NMNAT1: variants seen among roughly 807,000 people sequenced by gnomAD.
The protein encoded by NMNAT1 is nicotinamide nucleotide adenylyltransferase 1.
Under a neutral mutation model 16.7 loss-of-function variants are expected in NMNAT1, and 11 were observed. That is an observed-to-expected ratio of 0.66 (90% confidence interval 0.41 to 1.09). The LOEUF (loss-of-function observed/expected upper bound fraction) is 1.09, where lower values mean the gene tolerates loss of function less well. NMNAT1 is among the 50% of genes least tolerant of loss of function. The pLI, the probability that NMNAT1 is intolerant of heterozygous loss-of-function variation, is 0.00. For missense variants in NMNAT1, 280 were observed against 332.3 expected (o/e 0.84, Z 1.22); for synonymous variants, 110 against 119.8 (o/e 0.92, Z 0.53).
downstream of NMNAT1, among the ~76,000 whole-genome samples, chr1:9,989,581 A>T (rs886889819): frequency 8.5e-5 from 13 of 152,128 alleles, no homozygotes; most frequent in Non-Finnish European, 8.8e-5. Flanking sequence ...AGCTTTGAAG[A>T]GGAGTCCAGC....
intron 1 of NMNAT1, among the ~76,000 whole-genome samples, chr1:9,963,624 G>A (rs1641475914): frequency 6.6e-6 from 1 of 151,914 alleles, no homozygotes; most frequent in African/African-American, 2.4e-5. Context: ...GGCCAGGCTG[G>A]TCTCGAACTT....
At chr1:9,954,985 T>C (rs1437994625) in intron 1 of NMNAT1, among the ~76,000 whole-genome samples, 4 of 151,498 alleles carry the variant, frequency 2.6e-5, no homozygotes, top group Non-Finnish European at 5.9e-5. Flanking sequence ...ACTCAAATTA[T>C]AGAACAACTA....
At chr1:9,987,508 C>T (rs779658271), downstream of NMNAT1, among the ~76,000 whole-genome samples, 2 of 151,722 alleles carry the variant, frequency 1.3e-5, no homozygotes, top group East Asian at 1.9e-4. Context: ...GCGTAGGTGG[C>T]GGGTGCCTAT....
intron 1 of NMNAT1, chr1:9,951,377 G>C (rs1380199940): frequency 6.6e-6 from 1 of 152,170 alleles, no homozygotes; most frequent in Non-Finnish European, 1.5e-5. Flanking sequence ...TTGCCACAAG[G>C]ATTTAAATGA....
intron 1 of NMNAT1, among the ~76,000 whole-genome samples, chr1:9,961,301 G>A (rs1490423575): frequency 2.0e-5 from 3 of 152,050 alleles, no homozygotes; most frequent in South Asian, 2.1e-4. Flanking sequence ...CACACCTCTC[G>A]AACTCAGCCT....
intron 1 of NMNAT1, 115 bp from the exon 2 acceptor site, chr1:9,971,903 G>C (rs1275498839): frequency 3.6e-6 from 2 of 558,708 alleles, no homozygotes; most frequent in African/African-American, 1.9e-5. Context: ...CCAGAAGTTT[G>C]AGGGTGCAGT....
downstream of NMNAT1, chr1:9,985,515 T>C (rs1642033994): frequency 6.6e-6 from 1 of 152,220 alleles, no homozygotes; most frequent in South Asian, 2.1e-4. Flanking sequence ...GGTAGTCTGA[T>C]GGAGATGAGT....
intron 4 of NMNAT1, among the ~76,000 whole-genome samples, chr1:9,981,957 G>A (rs961341845): frequency 4.6e-5 from 7 of 151,822 alleles, no homozygotes; most frequent in African/African-American, 1.5e-4. Context: ...TCTGCCTCCC[G>A]AGTTCAAGTG....
chr1:9,953,448 G>GTT (rs57381616), intron 1 of NMNAT1, among the ~76,000 whole-genome samples: 2,548 of 144,532 alleles, frequency 0.018, 63 homozygotes, highest in African/African-American at 0.056. Context: ...AGCTAATTTT[G>GTT]TTTTTTTTTT....
chr1:9,993,351 C>T, the NMNAT1 span, among the ~76,000 whole-genome samples: 20 of 151,658 alleles, frequency 1.3e-4, no homozygotes, highest in Non-Finnish European at 2.4e-4. Context: ...TAGTGGCATG[C>T]GCTTGTAGTC....
intron 1 of NMNAT1, among the ~76,000 whole-genome samples, chr1:9,968,939 C>CAA (rs749269968): frequency 0.011 from 785 of 68,294 alleles, 11 homozygotes; most frequent in African/African-American, 0.039. Context: ...GACTCTGTCT[C>CAA]AAAAAAAAAA....
chr1:9,976,259 C>T (rs1005130298), intron 3 of NMNAT1, among the ~76,000 whole-genome samples: 6 of 149,624 alleles, frequency 4.0e-5, no homozygotes, highest in Non-Finnish European at 7.4e-5. Flanking sequence ...TGCACTCCAG[C>T]CTGGGTGACA....
intron 1 of NMNAT1, among the ~76,000 whole-genome samples, chr1:9,949,045 G>C (rs1641044411): frequency 6.6e-6 from 1 of 151,400 alleles, no homozygotes; most frequent in Admixed American, 6.6e-5. Context: ...CGAGGCAGGT[G>C]GATCACCTGA....
intron 3 of NMNAT1, among the ~76,000 whole-genome samples, chr1:9,978,696 A>C (rs1330829176): frequency 6.6e-6 from 1 of 152,180 alleles, no homozygotes; most frequent in Non-Finnish European, 1.5e-5. Flanking sequence ...TTGCCCATTA[A>C]ATAGTCAACT....
chr1:9,969,904 T>G (rs1168914114), intron 1 of NMNAT1, among the ~76,000 whole-genome samples: 3 of 152,044 alleles, frequency 2.0e-5, no homozygotes, highest in Non-Finnish European at 4.4e-5. Context: ...GCATGATGGA[T>G]AGAAACAAAG....
chr1:9,978,398 T>G (rs1481944853), intron 3 of NMNAT1, among the ~76,000 whole-genome samples: 1 of 152,192 alleles, frequency 6.6e-6, no homozygotes, highest in Non-Finnish European at 1.5e-5. Flanking sequence ...CCCAGGATGA[T>G]GGCCTCTGTC....
intron 1 of NMNAT1, among the ~76,000 whole-genome samples, chr1:9,944,372 A>C (rs1640914705): frequency 6.6e-6 from 1 of 152,122 alleles, no homozygotes; most frequent in South Asian, 2.1e-4. Flanking sequence ...ACATAGCAAG[A>C]CCCTCATAAC....
chr1:9,949,211 G>A (rs1345360222), intron 1 of NMNAT1, among the ~76,000 whole-genome samples: 1 of 150,516 alleles, frequency 6.6e-6, no homozygotes, highest in Non-Finnish European at 1.5e-5. Context: ...AGATTTCAGC[G>A]AGCCGAAATC....
At chr1:9,985,764 G>A (rs1040062310), downstream of NMNAT1, among the ~76,000 whole-genome samples, 1 of 152,322 alleles carries the variant, frequency 6.6e-6, no homozygotes, top group Middle Eastern at 3.4e-3. Flanking sequence ...CTGGGTTCAA[G>A]CAATTCTCCT....
Sources: allele counts gnomAD v4.1 joint callset (sites outside exome capture counted in the v4.1 genomes callset), GRCh38; gene constraint gnomAD v4.1.1; transcripts MANE v1.5; gene names NCBI Gene and HGNC (gene_info 2026-07-23, HGNC 2026-07-21).